The following UNC13B variants were observed in gnomAD, a reference collection of about 807,000 sequenced individuals.
UNC13B encodes unc-13 homolog B.
In UNC13B, 144 loss-of-function variants were observed where a neutral mutation model predicts 211.0. The ratio of observed to expected loss-of-function variants is 0.68; its 90% CI spans 0.60 to 0.78. UNC13B has a LOEUF of 0.78. Among genes scored for constraint, UNC13B ranks in the 30% least tolerant of loss-of-function variants. The pLI, the probability that UNC13B is intolerant of heterozygous loss-of-function variation, is 0.00. For missense variants in UNC13B, 1,777 were observed against 2,002.0 expected (o/e 0.89, Z 2.14); for synonymous variants, 709 against 725.8 (o/e 0.98, Z 0.37).
chr9:35,243,490 G>A, intron 6 of UNC13B, 126 bp downstream of exon 6: 2 of 950,564 alleles, frequency 2.1e-6, no homozygotes, highest in African/African-American at 1.7e-5. Flanking sequence ...TTGCATTGAA[G>A]AAAAAAGGCA....
In UNC13B at chr9:35,385,578, C is replaced by T. The variant is rs565250650; in HGVS notation, c.10876-146C>T. ...ATCAATAGAAAAAAGAGAAGGAGAC[C>T]TGTAACTTTACAGTGTTTTTGGCCA... On this transcript the variant is annotated intron_variant, in intron 22 of 39. Transcript: ENST00000635942. 1.1e-3 allele frequency: 1,518 copies of T among 1,398,076 alleles called. 2 individuals are homozygous for T. Among genetic ancestry groups the T allele is most frequent in the Non-Finnish European group, 1.3e-3 (1,391 of 1,070,022 alleles). The allele number at this position is 1,398,076 out of a possible 1,614,324, so 86.6% of individuals were successfully genotyped here.
At position 35,162,037 on chromosome 9, in the gene UNC13B, T is replaced by A; in HGVS notation, c.-247T>A. The A allele has an allele frequency of 1.8e-6, 1 of 550,864 alleles. No individual in the cohort carries two copies. The highest frequency in any genetic ancestry group is 3.2e-6 in the Non-Finnish European group (1 of 317,200). 34.1% of individuals were successfully genotyped at this position (550,864 alleles called of 1,614,324 possible). On this transcript the variant is annotated 5_prime_UTR_variant, in exon 1 of 40. An upstream start codon of the reference 5' UTR is lost. Transcript: ENST00000635942. ...CCCGGCAGCTCCTACCTCCCAGCGA[T>A]GGCGTCGCTGTGCCGCGCCCAGTCC...
At chr9:35,288,732 A>G (rs1250267945) in intron 7 of UNC13B, among the ~76,000 whole-genome samples, 1 of 152,206 alleles carries the variant, frequency 6.6e-6, no homozygotes, top group African/African-American at 2.4e-5. Context: ...CAGATTATTC[A>G]TTCAATTTAT....
chr9:35,263,343 A>T (rs1484527839), intron 7 of UNC13B, among the ~76,000 whole-genome samples: 2 of 25,512 alleles, frequency 7.8e-5, no homozygotes, highest in East Asian at 1.1e-3. Context: ...GGAACTTGGT[A>T]AAAAAAAAAA....
intron 7 of UNC13B, among the ~76,000 whole-genome samples, chr9:35,295,272 G>GT (rs921067194): frequency 6.6e-6 from 1 of 152,036 alleles, no homozygotes; most frequent in African/African-American, 2.4e-5. Context: ...AAGTTTTGGG[G>GT]TTTTTTTCCC....
In UNC13B at chr9:35,301,131, A is replaced by G. The variant is rs1829659550; in HGVS notation, c.1727A>G (p.Glu576Gly). The change falls in exon 9 of 40, where the codon GAG becomes GGG. Residue 576 changes from glutamate (E) to glycine (G), a missense_variant. Coordinates refer to ENST00000635942, the MANE Select transcript of UNC13B (RefSeq NM_001371189.2). ...PEKTETLNQI[E>G]AINLGSKPRA... is the part of the protein sequence containing the mutation. ...AAAACAGAAACTCTTAATCAAATAG[A>G]GGCAATTAATTTGGGATCTAAACCC... 7.5e-6 allele frequency: 3 copies of G among 398,814 alleles called. No individual in the cohort carries two copies. Among genetic ancestry groups the G allele is most frequent in the African/African-American group, 6.2e-5 (3 of 48,630 alleles). 24.7% of individuals were successfully genotyped at this position (398,814 alleles called of 1,614,324 possible).
At chr9:35,198,096 A>C (rs2131364830) in intron 1 of UNC13B, among the ~76,000 whole-genome samples, 1 of 152,290 alleles carries the variant, frequency 6.6e-6, no homozygotes, top group South Asian at 2.1e-4. Context: ...TTATCTTCCT[A>C]TTCATAACAT....
intron 1 of UNC13B, among the ~76,000 whole-genome samples, chr9:35,184,569 G>A (rs911082824): frequency 1.3e-5 from 2 of 152,154 alleles, no homozygotes; most frequent in Non-Finnish European, 2.9e-5. Flanking sequence ...CCAGTCAGGC[G>A]TGGCAGCGCA....
chr9:35,236,827 T>C (rs1166729895), intron 4 of UNC13B, among the ~76,000 whole-genome samples: 1 of 152,218 alleles, frequency 6.6e-6, no homozygotes, highest in African/African-American at 2.4e-5. Flanking sequence ...TTCAGCCTTA[T>C]CAGGTAGATA....
At chr9:35,211,113 T>A (rs1416708999) in intron 1 of UNC13B, among the ~76,000 whole-genome samples, 1 of 152,224 alleles carries the variant, frequency 6.6e-6, no homozygotes, top group East Asian at 1.9e-4. Flanking sequence ...TAAGTCAGCA[T>A]CCTATTTATG....
At chr9:35,256,881 G>A (rs1034867964) in intron 6 of UNC13B, among the ~76,000 whole-genome samples, 2 of 151,816 alleles carry the variant, frequency 1.3e-5, no homozygotes, top group African/African-American at 4.8e-5. Context: ...TCTGTTTTTT[G>A]TAGACAGATT....
chr9:35,175,500 G>C (rs1429000120), intron 1 of UNC13B, among the ~76,000 whole-genome samples: 1 of 152,160 alleles, frequency 6.6e-6, no homozygotes, highest in African/African-American at 2.4e-5. Context: ...AGTACAGCGA[G>C]TTTCAAGAAG....
chr9:35,385,633 C>A, intron 22 of UNC13B, 91 bp from the exon 23 acceptor site: 1 of 1,474,918 alleles, frequency 6.8e-7, no homozygotes, highest in South Asian at 1.5e-5. Flanking sequence ...CAGTAGGTAA[C>A]AATTAGGGAA....
At chr9:35,168,185 T>C (rs10972364) in intron 1 of UNC13B, among the ~76,000 whole-genome samples, 75 of 152,312 alleles carry the variant, frequency 4.9e-4, no homozygotes, top group Non-Finnish European at 6.0e-4. Flanking sequence ...CCCAAAATGC[T>C]AGGATTACAG....
At chr9:35,377,405 C>G (rs1834494353) in intron 15 of UNC13B, 63 bp from the exon 16 acceptor site, 2 of 1,541,748 alleles carry the variant, frequency 1.3e-6, no homozygotes, top group Admixed American at 1.7e-5. Flanking sequence ...CTCTCCCAGG[C>G]CCCATTCCTC....
intron 2 of UNC13B, among the ~76,000 whole-genome samples, chr9:35,229,344 A>G (rs879812352): frequency 2.6e-5 from 4 of 152,054 alleles, no homozygotes; most frequent in Middle Eastern, 3.2e-3. Flanking sequence ...TTTAAAGGTT[A>G]TTATCTTTTT....
chr9:35,325,392 A>G (rs182021973), intron 11 of UNC13B, among the ~76,000 whole-genome samples: 2 of 152,258 alleles, frequency 1.3e-5, no homozygotes, highest in East Asian at 3.9e-4. Context: ...CCAGCTACCC[A>G]TGGCTCTTCC....
rs901989544 is a variant in UNC13B at position 35,304,540 on chromosome 9, C to G, written c.5136C>G (p.His1712Gln). The G allele has an allele frequency of 5.0e-6, 2 of 398,588 alleles. No homozygotes were observed. Among genetic ancestry groups the G allele is most frequent in the African/African-American group, 2.1e-5 (1 of 48,570 alleles). 24.7% of individuals were successfully genotyped at this position (398,588 alleles called of 1,614,324 possible). A position where few individuals can be genotyped will look rare whatever the true frequency, so the allele number is the denominator to read the frequency against. Reference protein sequence around the residue: ...NQPLAEDSSVHLSSFHWLQSS... With the variant: ...NQPLAEDSSVQLSSFHWLQSS... ...CTCTAGCTGAAGATTCATCAGTTCA[C>G]CTTTCCAGTTTCCATTGGCTTCAGT... Residue 1712 changes from histidine to glutamine, a missense_variant, in exon 9 of 40, where the codon CAC becomes CAG. Physicochemically the swap from His to Gln is conservative, Grantham distance 24. Transcript: ENST00000635942.
At chr9:35,387,353 C>T (rs772108675) in intron 24 of UNC13B, among the ~76,000 whole-genome samples, 4 of 152,174 alleles carry the variant, frequency 2.6e-5, no homozygotes, top group Non-Finnish European at 5.9e-5. Context: ...CCTAGGAACA[C>T]CCTCATAAAG....
Sources: gnomAD v4.1 joint callset for allele counts (sites outside exome capture counted in the v4.1 genomes callset) on GRCh38, gnomAD v4.1.1 for gene constraint, MANE v1.5 for transcripts, NCBI Gene and HGNC (gene_info 2026-07-23, HGNC 2026-07-21) for gene names.